The following PDLIM4 variants were observed in gnomAD, a reference collection of about 807,000 sequenced individuals.
PDLIM4 encodes PDZ and LIM domain protein 4.
PDLIM4 carries 19 observed loss-of-function variants against 31.3 expected under a neutral mutation model. That is an observed-to-expected ratio of 0.61 (90% CI 0.42 to 0.89). PDLIM4 has a LOEUF of 0.89. Ranked by LOEUF, PDLIM4 falls within the 40% of genes least tolerant of loss-of-function variation. PDLIM4 has a pLI of 0.00. For synonymous variants in PDLIM4, 176 were observed against 190.1 expected (o/e 0.93, Z 0.61); for missense variants, 442 against 461.1 (o/e 0.96, Z 0.38).
chr5:132,263,053 ATTTG>A (rs59657909), intron 2 of PDLIM4, among the ~76,000 whole-genome samples: 68,972 of 151,750 alleles, frequency 0.45, 16,666 homozygotes, highest in Non-Finnish European at 0.55. Context: ...CCTCTGGGGC[ATTTG>A]TTTCATTCCT....
chr5:132,263,542 CCTGGGT>C (rs1427654838), intron 2 of PDLIM4, among the ~76,000 whole-genome samples: 1 of 152,174 alleles, frequency 6.6e-6, no homozygotes, highest in African/African-American at 2.4e-5. Flanking sequence ...TTGCTCAGGT[CCTGGGT>C]CTTTACTCAG....
intron 2 of PDLIM4, 70 bp from the exon 3 acceptor site, chr5:132,266,394 C>CT: frequency 9.4e-7 from 1 of 1,062,894 alleles, no homozygotes; most frequent in Non-Finnish European, 1.5e-6. Flanking sequence ...CCCAGCCCCT[C>CT]TTGATCCTGG....
At chr5:132,267,641 G>C (rs537192466) in intron 3 of PDLIM4, among the ~76,000 whole-genome samples, 1 of 152,192 alleles carries the variant, frequency 6.6e-6, no homozygotes, top group African/African-American at 2.4e-5. Flanking sequence ...AGGGGTATAG[G>C]GAGAGGAAGT....
chr5:132,261,657 C>G (rs139891411), intron 1 of PDLIM4: 3 of 152,402 alleles, frequency 2.0e-5, no homozygotes, highest in East Asian at 1.9e-4. Context: ...CTCCACCCCC[C>G]ATTCTAGCCT....
At chr5:132,260,731 T>A (rs984865926) in intron 1 of PDLIM4, among the ~76,000 whole-genome samples, 3 of 152,242 alleles carry the variant, frequency 2.0e-5, no homozygotes, top group Admixed American at 2.0e-4. Context: ...TGTACTTCTC[T>A]GGACCTCCGT....
chr5:132,263,829 C>T (rs1389505846), intron 2 of PDLIM4, among the ~76,000 whole-genome samples: 1 of 152,216 alleles, frequency 6.6e-6, no homozygotes, highest in African/African-American at 2.4e-5. Flanking sequence ...CCTGTTTGTG[C>T]TTGGCCCTGG....
chr5:132,271,590 C>CA, intron 5 of PDLIM4, 124 bp downstream of exon 5: 2 of 1,110,852 alleles, frequency 1.8e-6, no homozygotes, highest in Middle Eastern at 1.9e-4. Flanking sequence ...GGCCCGGTCC[C>CA]ACGCCCTTGC....
chr5:132,261,121 C>T (rs775818526), intron 1 of PDLIM4, among the ~76,000 whole-genome samples: 10 of 152,164 alleles, frequency 6.6e-5, no homozygotes, highest in Non-Finnish European at 1.3e-4. Flanking sequence ...ATGGGTAAAG[C>T]ATAGAGCCCA....
At chr5:132,271,584 C>G (rs929176703) in intron 5 of PDLIM4, 118 bp downstream of exon 5, 10 of 1,141,590 alleles carry the variant, frequency 8.8e-6, no homozygotes, top group Admixed American at 1.9e-5. Context: ...CTCTGCGGCC[C>G]GGTCCCACGC....
Position 132,272,588 on chromosome 5 carries a change from C to T in PDLIM4, c.*359C>T. On this transcript the variant is annotated 3_prime_UTR_variant, in exon 7 of 7. Coordinates refer to ENST00000253754, the MANE Select transcript of PDLIM4 (RefSeq NM_003687.4). ...ACAGGAGGTATGACCTGGGTGGGGT[C>T]AGGGAAAGTCTTAGCTGAGAACTAA... 1 of 341,312 alleles carries T rather than the reference C, an allele frequency of 2.9e-6. No individual in the cohort carries two copies. Among genetic ancestry groups the T allele is most frequent in the Admixed American group, 4.0e-5 (1 of 24,776 alleles). 21.1% of individuals were successfully genotyped at this position (341,312 alleles called of 1,614,324 possible). A position where few individuals can be genotyped will look rare whatever the true frequency, so the allele number is the denominator to read the frequency against.
intron 1 of PDLIM4, among the ~76,000 whole-genome samples, chr5:132,258,718 AGAG>A (rs1330341510): frequency 6.6e-6 from 1 of 152,224 alleles, no homozygotes; most frequent in Non-Finnish European, 1.5e-5. Context: ...AAGGGACAGA[AGAG>A]GAGAGAACCC....
intron 2 of PDLIM4, among the ~76,000 whole-genome samples, chr5:132,266,031 G>A (rs1393749574): frequency 1.3e-5 from 2 of 152,098 alleles, no homozygotes; most frequent in Non-Finnish European, 1.5e-5. Context: ...GCCGACGGAC[G>A]CCTGACCCCA....
chr5:132,268,800 G>C (rs987855931), intron 3 of PDLIM4, among the ~76,000 whole-genome samples: 1 of 152,154 alleles, frequency 6.6e-6, no homozygotes, highest in African/African-American at 2.4e-5. Context: ...CAAGTTGAGT[G>C]TCCCAAAGCA....
At position 132,266,486 on chromosome 5, in the gene PDLIM4, A is replaced by G; in HGVS notation, c.268A>G (p.Ser90Gly). 1.2e-6 allele frequency: 2 copies of G among 1,612,764 alleles called. No individual in the cohort carries two copies. The highest frequency in any genetic ancestry group is 1.7e-6 in the Non-Finnish European group (2 of 1,178,912). ...CAGGCCTGAGGGTAGGAGCTGGCCCAGTGCCCCTGATGACAGCAAGGCTCA... is the reference window on the plus strand; with the variant it reads ...CAGGCCTGAGGGTAGGAGCTGGCCCGGTGCCCCTGATGACAGCAAGGCTCA... ...VSRPEGRSWP[S>G]APDDSKAQAH... The change falls in exon 3 of 7, where the codon AGT (serine) becomes GGT (glycine). Residue 90 changes from serine (S) to glycine (G), a missense_variant. Transcript: ENST00000253754.
Position 132,257,779 on chromosome 5 carries a change from C to G in PDLIM4, c.45C>G (p.Phe15Leu). ...VTLRGPSPWG[F>L]RLVGGRDFSA... ...TGCGCGGGCCTTCGCCCTGGGGCTTCCGCCTGGTGGGCGGCCGGGACTTCA... is the reference window on the plus strand; with the variant it reads ...TGCGCGGGCCTTCGCCCTGGGGCTTGCGCCTGGTGGGCGGCCGGGACTTCA... Residue 15 changes from phenylalanine to leucine, a missense_variant, in exon 1 of 7, where the codon TTC becomes TTG. Physicochemically the swap from Phe to Leu is conservative, Grantham distance 22. Transcript: ENST00000253754. The surrounding 1 kb of genome is among the most constrained non-coding windows in gnomAD (Gnocchi z 4.3). The G allele has an allele frequency of 1.3e-6, 2 of 1,506,482 alleles. No homozygotes were observed. The highest frequency in any genetic ancestry group is 2.5e-5 in the South Asian group (2 of 81,276). 93.3% of individuals were successfully genotyped at this position (1,506,482 alleles called of 1,614,324 possible).
At chr5:132,259,935 G>C (rs1278129010) in intron 1 of PDLIM4, among the ~76,000 whole-genome samples, 2 of 107,932 alleles carry the variant, frequency 1.9e-5, no homozygotes, top group East Asian at 2.4e-4. Flanking sequence ...TCCAGTCCCT[G>C]TAGTGAGCAC....
rs200959875 is a variant in PDLIM4 at position 132,272,256 on chromosome 5, T to C, written c.*27T>C. On this transcript the variant is annotated 3_prime_UTR_variant, in exon 7 of 7. Coordinates refer to ENST00000253754, the MANE Select transcript of PDLIM4 (RefSeq NM_003687.4). The stretch of plus-strand genomic sequence containing the variant: ...CTGGGACCCTGCTCCCACGCCTGCT[T>C]CTTAAGGTCCCTGCTCGGCCGGTGT... 5.1e-6 allele frequency: 8 copies of C among 1,569,728 alleles called. No homozygotes were observed. The East Asian group carries it at 1.8e-4, about 35-fold the overall frequency.
At chr5:132,260,990 C>T (rs1756361032) in intron 1 of PDLIM4, among the ~76,000 whole-genome samples, 1 of 152,256 alleles carries the variant, frequency 6.6e-6, no homozygotes, top group African/African-American at 2.4e-5. Flanking sequence ...AAAGACTCCT[C>T]TCCAGTGTGG....
At chr5:132,268,261 A>G (rs1419315527) in intron 3 of PDLIM4, among the ~76,000 whole-genome samples, 1 of 151,974 alleles carries the variant, frequency 6.6e-6, no homozygotes, top group East Asian at 1.9e-4. Flanking sequence ...GGTGACAAAA[A>G]CACCCCCACC....
Sources: allele counts gnomAD v4.1 joint callset (sites outside exome capture counted in the v4.1 genomes callset), GRCh38; gene constraint gnomAD v4.1.1; non-coding constraint Gnocchi (gnomAD v3.1); transcripts MANE v1.5; gene names NCBI Gene and HGNC (gene_info 2026-07-23, HGNC 2026-07-21).